Variants in GRIK3 observed in about 807,000 individuals in gnomAD.
GRIK3 encodes glutamate receptor ionotropic, kainate 3.
In GRIK3, 29 loss-of-function variants were observed where a neutral mutation model predicts 102.5. That is an observed-to-expected ratio of 0.28 (90% CI 0.21 to 0.39). GRIK3 has a LOEUF of 0.39. Ranked by LOEUF, GRIK3 falls within the 10% of genes least tolerant of loss-of-function variation. GRIK3 has a pLI of 1.00. For missense variants in GRIK3, 908 were observed against 1,252.4 expected, an observed-to-expected ratio of 0.73 and a Z score of 4.15; for synonymous variants, 511 against 504.9, an observed-to-expected ratio of 1.01 and a Z score of -0.16.
intron 1 of GRIK3, among the ~76,000 whole-genome samples, chr1:36,907,851 G>A (rs1354962659): frequency 1.3e-5 from 2 of 152,124 alleles, no homozygotes; most frequent in Non-Finnish European, 1.5e-5. Context: ...GGCAGACCTC[G>A]ATTTGAATTT....
intron 1 of GRIK3, among the ~76,000 whole-genome samples, chr1:37,006,232 G>T (rs116224651): frequency 6.6e-6 from 1 of 152,180 alleles, no homozygotes; most frequent in Non-Finnish European, 1.5e-5. Flanking sequence ...ACCTTGGAGG[G>T]CAGACTCCAG....
intron 1 of GRIK3, among the ~76,000 whole-genome samples, chr1:37,027,010 G>A (rs1336893382): frequency 6.6e-6 from 1 of 152,050 alleles, no homozygotes; most frequent in Non-Finnish European, 1.5e-5. Flanking sequence ...ACACCCTTGG[G>A]TAGCTCCTTG....
intron 1 of GRIK3, among the ~76,000 whole-genome samples, chr1:36,899,039 G>A (rs1042684264): frequency 6.6e-6 from 1 of 152,088 alleles, no homozygotes; most frequent in Non-Finnish European, 1.5e-5. Flanking sequence ...ACTCAAAATG[G>A]ATCAAAGACT....
chr1:37,014,935 C>CTCTCTCTCTCTCTCTCTGTTTTTG (rs1456541236), intron 1 of GRIK3, among the ~76,000 whole-genome samples: 1 of 37,026 alleles, frequency 2.7e-5, no homozygotes, highest in East Asian at 9.3e-4. Context: ...CTGTTTTTGT[C>CTCTCTCTCTCTCTCTCTGTTTTTG]TCTCTCTCTC....
At chr1:36,876,049 C>T (rs1388466289) in intron 3 of GRIK3, among the ~76,000 whole-genome samples, 1 of 152,176 alleles carries the variant, frequency 6.6e-6, no homozygotes, top group Non-Finnish European at 1.5e-5. Flanking sequence ...GACAGATCTT[C>T]CTCTTTGATA....
intron 9 of GRIK3, among the ~76,000 whole-genome samples, chr1:36,844,776 CTT>C (rs1640500984): frequency 6.6e-6 from 1 of 152,180 alleles, no homozygotes; most frequent in African/African-American, 2.4e-5. Flanking sequence ...TCATCCTTAT[CTT>C]TTTCTTGTAT....
chr1:37,003,609 A>G (rs1340229308), intron 1 of GRIK3, among the ~76,000 whole-genome samples: 1 of 152,042 alleles, frequency 6.6e-6, no homozygotes, highest in East Asian at 1.9e-4. Context: ...TTTCATCTGT[A>G]CCCTTAAGTC....
chr1:36,922,376 G>T (rs1419215312), intron 1 of GRIK3, among the ~76,000 whole-genome samples: 1 of 152,202 alleles, frequency 6.6e-6, no homozygotes, highest in African/African-American at 2.4e-5. Flanking sequence ...GCATCCCCAA[G>T]CTCCTGGAAG....
In GRIK3 at chr1:36,798,995, C is replaced by A. The variant is rs914384338; in HGVS notation, c.*2856G>T. On this transcript the variant is annotated 3_prime_UTR_variant, in exon 16 of 16. Coordinates refer to ENST00000373091, the MANE Select transcript of GRIK3 (RefSeq NM_000831.4). ...ACATGCTCATGTAGCATCACACACA[C>A]AACACATGTGTGAGACAAGAGCAAG... 8 of 152,356 alleles carry A rather than the reference C, an allele frequency of 5.3e-5. No individual in the cohort carries two copies. The highest frequency in any genetic ancestry group is 1.9e-4 in the African/African-American group (8 of 41,582). The allele number at this position is 152,356 out of a possible 1,614,324, so 9.4% of individuals were successfully genotyped here.
intron 10 of GRIK3, among the ~76,000 whole-genome samples, chr1:36,841,512 T>C (rs1270913690): frequency 1.3e-4 from 20 of 152,194 alleles, no homozygotes; most frequent in Admixed American, 1.2e-3. Flanking sequence ...TCTGTGTGTG[T>C]ACGGAGGAGA....
rs139278161 is a variant in GRIK3, at chr1:36,882,135, A to AT, written c.293-1245dup. 8.6e-3 allele frequency among the ~76,000 whole-genome samples: 1,303 copies of AT among 152,286 alleles called. 8 individuals carry two copies. The highest frequency in any genetic ancestry group is 0.017 in the Middle Eastern group (5 of 294). On this transcript the variant is annotated intron_variant, in intron 2 of 15. Coordinates refer to ENST00000373091, the MANE Select transcript of GRIK3 (RefSeq NM_000831.4). The stretch of plus-strand genomic sequence containing the variant: ...TAAATGATCACTGGAAGTCTTGTCC[A>AT]TTGGTTGACTTTCTCCTCCCAGTAG...
chr1:36,980,924 G>A (rs1303700320), intron 1 of GRIK3, among the ~76,000 whole-genome samples: 4 of 152,050 alleles, frequency 2.6e-5, no homozygotes, highest in African/African-American at 4.8e-5. Context: ...CCATCCCTTT[G>A]CCCCCTTCCT....
intron 1 of GRIK3, among the ~76,000 whole-genome samples, chr1:36,957,691 ATGAGCCTGTGTGCCCCG>A (rs1204024807): frequency 8.6e-5 from 6 of 69,514 alleles, no homozygotes; most frequent in Admixed American, 1.5e-4. Context: ...TCTGTGCCCC[ATGAGCCTGTGTGCCCCG>A]TGAGCCTGTG....
chr1:37,023,556 A>G (rs1025588060), intron 1 of GRIK3, among the ~76,000 whole-genome samples: 2 of 152,158 alleles, frequency 1.3e-5, no homozygotes, highest in African/African-American at 4.8e-5. Flanking sequence ...AAGCTCGTTA[A>G]AGTGTAGGAT....
At chr1:36,984,367 A>G (rs1642282357) in intron 1 of GRIK3, among the ~76,000 whole-genome samples, 1 of 152,234 alleles carries the variant, frequency 6.6e-6, no homozygotes, top group Admixed American at 6.5e-5. Flanking sequence ...ACTTGTGAGG[A>G]CAGGGGCCTG....
chr1:36,882,605 C>T (rs1640994002), intron 2 of GRIK3, among the ~76,000 whole-genome samples: 1 of 152,164 alleles, frequency 6.6e-6, no homozygotes, highest in Non-Finnish European at 1.5e-5. Flanking sequence ...ACTCACTGAC[C>T]TTCCTAGTTC....
intron 1 of GRIK3, among the ~76,000 whole-genome samples, chr1:36,894,361 C>A (rs186387883): frequency 3.7e-4 from 56 of 152,280 alleles, no homozygotes; most frequent in Admixed American, 8.5e-4. Flanking sequence ...AATAATATTA[C>A]TTTGTATAGA....
intron 13 of GRIK3, among the ~76,000 whole-genome samples, chr1:36,815,407 C>T (rs564054553): frequency 6.6e-6 from 1 of 152,298 alleles, no homozygotes; most frequent in South Asian, 2.1e-4. Flanking sequence ...TCACTCAGGC[C>T]CCACTGGAGG....
chr1:36,893,137 T>C (rs1236627060), intron 1 of GRIK3, among the ~76,000 whole-genome samples: 3 of 151,746 alleles, frequency 2.0e-5, no homozygotes, highest in Non-Finnish European at 4.4e-5. Context: ...GTAGAGGAGG[T>C]CTTTCTAAGC....
Sources: gnomAD v4.1 joint callset for allele counts (sites outside exome capture counted in the v4.1 genomes callset) on GRCh38, gnomAD v4.1.1 for gene constraint, MANE v1.5 for transcripts, NCBI Gene and HGNC (gene_info 2026-07-23, HGNC 2026-07-21) for gene names.